The following AFF3 variants were observed in gnomAD, a reference collection of about 807,000 sequenced individuals.
AFF3 encodes the protein ALF transcription elongation factor 3.
Under a neutral mutation model 129.7 loss-of-function variants are expected in AFF3, and 32 were observed. The ratio of observed to expected loss-of-function variants is 0.25; its 90% CI spans 0.19 to 0.33. AFF3 has a LOEUF of 0.33. AFF3 is among the 10% of genes least tolerant of loss of function. AFF3 has a pLI of 1.00. For synonymous variants in AFF3, 644 were observed against 635.4 expected (o/e 1.01, Z -0.20); for missense variants, 1,373 against 1,592.0 (o/e 0.86, Z 2.34).
At chr2:99,871,031 T>C (rs1691834282) in intron 7 of AFF3, among the ~76,000 whole-genome samples, 1 of 152,180 alleles carries the variant, frequency 6.6e-6, no homozygotes, top group African/African-American at 2.4e-5. Flanking sequence ...TCTGAAACTA[T>C]TTGAACACCA....
chr2:99,654,299 G>C (rs1685553025), intron 12 of AFF3, among the ~76,000 whole-genome samples: 1 of 152,076 alleles, frequency 6.6e-6, no homozygotes, highest in African/African-American at 2.4e-5. Flanking sequence ...GTATATGTCA[G>C]ATGTTTTAAA....
chr2:100,011,353 T>C, intron 4 of AFF3: 1 of 721,298 alleles, frequency 1.4e-6, no homozygotes. Flanking sequence ...ACACACATGC[T>C]TGCTGCCCTC....
intron 11 of AFF3, among the ~76,000 whole-genome samples, chr2:99,720,356 G>A (rs1054608609): frequency 3.3e-5 from 5 of 152,182 alleles, no homozygotes; most frequent in Admixed American, 3.3e-4. Flanking sequence ...CTCTAGAGGA[G>A]ATGAAAGAGT....
intron 10 of AFF3, among the ~76,000 whole-genome samples, chr2:99,734,248 T>C (rs754157016): frequency 6.6e-6 from 1 of 152,032 alleles, no homozygotes; most frequent in Non-Finnish European, 1.5e-5. Context: ...ATTAATTGTG[T>C]ATACAGCAAT....
At chr2:99,798,087 A>G (rs896613005) in intron 8 of AFF3, among the ~76,000 whole-genome samples, 1 of 152,120 alleles carries the variant, frequency 6.6e-6, no homozygotes, top group African/African-American at 2.4e-5. Flanking sequence ...AACATATACA[A>G]GTAAAATGTT....
intron 5 of AFF3, chr2:100,007,749 C>T (rs777890269): frequency 5.7e-5 from 23 of 405,574 alleles, no homozygotes; most frequent in Admixed American, 1.2e-4. Context: ...CCGAGGTGGG[C>T]GGAACACCTG....
At chr2:99,756,670 T>C (rs1575883836) in intron 8 of AFF3, among the ~76,000 whole-genome samples, 1 of 152,338 alleles carries the variant, frequency 6.6e-6, no homozygotes, top group South Asian at 2.1e-4. Context: ...GCCTCAGCCC[T>C]TCCTGACACT....
At chr2:100,061,322 T>TA (rs1322654948) in intron 4 of AFF3, among the ~76,000 whole-genome samples, 7 of 151,842 alleles carry the variant, frequency 4.6e-5, no homozygotes, top group Admixed American at 1.3e-4. Flanking sequence ...CGTATGGCAT[T>TA]AAAAAAAATA....
In AFF3 at chr2:99,634,961, TCATA is replaced by T. The variant is rs1553411928; in HGVS notation, c.1184+14661_1184+14664del. ...CGACTTGAGGCAGAGCTGGATTCTG[TCATA>T]CACACACACACACACACACACACAC... is the stretch of plus-strand genomic sequence containing the variant. On this transcript the variant is annotated intron_variant, in intron 13 of 24. Coordinates refer to ENST00000672756, the MANE Select transcript of AFF3 (RefSeq NM_001386135.1). Among the ~76,000 whole-genome samples, 7 of 54,460 alleles carry T rather than the reference TCATA, an allele frequency of 1.3e-4. No individual in the cohort carries two copies. In the South Asian group the frequency reaches 5.9e-3, roughly 46 times the overall value. The allele number at this position is 54,460 out of a possible 152,430, so 35.7% of individuals were successfully genotyped here.
chr2:99,651,097 T>C (rs989460049), intron 12 of AFF3, among the ~76,000 whole-genome samples: 1 of 145,892 alleles, frequency 6.9e-6, no homozygotes, highest in Non-Finnish European at 1.5e-5. Context: ...TGCTTGAACT[T>C]GGGGGGCGGA....
intron 8 of AFF3, among the ~76,000 whole-genome samples, chr2:99,807,521 G>C (rs1408799097): frequency 6.6e-6 from 1 of 152,104 alleles, no homozygotes; most frequent in African/African-American, 2.4e-5. Flanking sequence ...TCTACTCCGT[G>C]GTCCTGGTTT....
chr2:99,712,675 G>T (rs751306764), intron 11 of AFF3, among the ~76,000 whole-genome samples: 2 of 152,226 alleles, frequency 1.3e-5, no homozygotes, highest in Non-Finnish European at 2.9e-5. Context: ...CATTCACAAA[G>T]GATACGGTAT....
At chr2:100,099,677 G>GT (rs1559124059) in intron 4 of AFF3, among the ~76,000 whole-genome samples, 2 of 152,152 alleles carry the variant, frequency 1.3e-5, no homozygotes, top group African/African-American at 4.8e-5. Context: ...TGGATTACAG[G>GT]TATTTATGGG....
intron 8 of AFF3, among the ~76,000 whole-genome samples, chr2:99,806,777 C>T (rs939360542): frequency 6.6e-6 from 1 of 152,188 alleles, no homozygotes; most frequent in Non-Finnish European, 1.5e-5. Context: ...TGGAGCCCAG[C>T]ACAGTGTATG....
intron 7 of AFF3, among the ~76,000 whole-genome samples, chr2:99,896,620 CTTTTTTTTTTT>C (rs35573862): frequency 3.7e-3 from 135 of 36,078 alleles, no homozygotes; most frequent in African/African-American, 9.0e-3. Flanking sequence ...TGTCAAAATG[CTTTTTTTTTTT>C]TTTTTTTTTT....
At chr2:99,729,088 TG>T in intron 10 of AFF3, among the ~76,000 whole-genome samples, 1 of 152,222 alleles carries the variant, frequency 6.6e-6, no homozygotes, top group Non-Finnish European at 1.5e-5. Context: ...TGCTTTAATT[TG>T]GTGAAACTGG....
At position 100,006,945 on chromosome 2, in the gene AFF3, C is replaced by T; in HGVS notation, c.560G>A (p.Cys187Tyr). 6.2e-7 allele frequency: 1 copy of T among 1,614,162 alleles called. No individual in the cohort carries two copies. The highest frequency in any genetic ancestry group is 8.5e-7 in the Non-Finnish European group (1 of 1,180,028). ...GRQQPRAKQV[C>Y]NVEVGLQTQE... Reference sequence around the variant, plus strand: ...GGTCTGAAGGCCCACCTCCACATTGCACACTTGTTTGGCCCGAGGCTGCTG... The same window carrying T: ...GGTCTGAAGGCCCACCTCCACATTGTACACTTGTTTGGCCCGAGGCTGCTG... Residue 187 changes from cysteine to tyrosine, a missense_variant, in exon 7 of 25, where the codon TGC becomes TAC. Transcript: ENST00000672756.
chr2:99,555,209 C>G (rs1559470705), intron 22 of AFF3, among the ~76,000 whole-genome samples: 1 of 151,984 alleles, frequency 6.6e-6, no homozygotes, highest in Non-Finnish European at 1.5e-5. Flanking sequence ...CTTGAAGCAG[C>G]CTTACTTTTT....
At chr2:99,591,830 A>AGG (rs1678712210) in intron 15 of AFF3, among the ~76,000 whole-genome samples, 2 of 152,166 alleles carry the variant, frequency 1.3e-5, no homozygotes, top group Non-Finnish European at 2.9e-5. Context: ...GACCTATGTA[A>AGG]CCTTGGGCAA....
Sources: allele counts gnomAD v4.1 joint callset (sites outside exome capture counted in the v4.1 genomes callset), GRCh38; gene constraint gnomAD v4.1.1; transcripts MANE v1.5; gene names NCBI Gene and HGNC (gene_info 2026-07-23, HGNC 2026-07-21).